SLC9A9: variants seen among roughly 807,000 people sequenced by gnomAD.
SLC9A9 encodes the protein sodium/hydrogen exchanger 9.
A neutral mutation model predicts 77.8 loss-of-function variants in SLC9A9; 62 were observed. The ratio of observed to expected loss-of-function variants is 0.80; its 90% CI spans 0.65 to 0.98. SLC9A9 has a LOEUF of 0.98. Among genes scored for constraint, SLC9A9 ranks in the 50% least tolerant of loss-of-function variants. The pLI is 0.00. For missense variants in SLC9A9, 775 were observed against 774.9 expected, an observed-to-expected ratio of 1.00 and a Z score of 0.00; for synonymous variants, 320 against 283.5, an observed-to-expected ratio of 1.13 and a Z score of -1.29.
At chr3:143,475,463 G>A (rs2035458717) in intron 11 of SLC9A9, among the ~76,000 whole-genome samples, 2 of 152,048 alleles carry the variant, frequency 1.3e-5, no homozygotes, top group Non-Finnish European at 1.5e-5. Context: ...GAATCCATAA[G>A]TGAATGGATA....
At chr3:143,742,719 A>T (rs1395720401) in intron 4 of SLC9A9, among the ~76,000 whole-genome samples, 2 of 152,206 alleles carry the variant, frequency 1.3e-5, no homozygotes, top group Non-Finnish European at 2.9e-5. Context: ...AATTAATAAT[A>T]TACCAAAATT....
At chr3:143,733,913 G>A (rs1934873203) in intron 4 of SLC9A9, among the ~76,000 whole-genome samples, 1 of 152,132 alleles carries the variant, frequency 6.6e-6, no homozygotes, top group Non-Finnish European at 1.5e-5. Flanking sequence ...AGAAAACCTT[G>A]AGACTGGGCA....
intron 8 of SLC9A9, among the ~76,000 whole-genome samples, chr3:143,560,603 A>C (rs1190511816): frequency 2.6e-5 from 4 of 151,910 alleles, no homozygotes; most frequent in African/African-American, 9.7e-5. Context: ...GAGGTTTTAA[A>C]TTTTTTTTAC....
intron 5 of SLC9A9, among the ~76,000 whole-genome samples, chr3:143,654,233 G>T (rs1423207681): frequency 6.6e-6 from 1 of 152,120 alleles, no homozygotes; most frequent in East Asian, 1.9e-4. Flanking sequence ...AAAAAATTAT[G>T]CTGTGTACAT....
chr3:143,276,886 A>G (rs1938067180), intron 14 of SLC9A9, among the ~76,000 whole-genome samples: 1 of 152,202 alleles, frequency 6.6e-6, no homozygotes, highest in Non-Finnish European at 1.5e-5. Flanking sequence ...ATAAACCCCT[A>G]GAGACCTGAG....
intron 11 of SLC9A9, among the ~76,000 whole-genome samples, chr3:143,488,167 T>TC: frequency 6.6e-6 from 1 of 151,934 alleles, no homozygotes; most frequent in East Asian, 1.9e-4. Context: ...ATGGATACCT[T>TC]CCTAGAAATA....
chr3:143,623,025 A>C (rs2038249744), intron 6 of SLC9A9, among the ~76,000 whole-genome samples: 1 of 152,220 alleles, frequency 6.6e-6, no homozygotes, highest in African/African-American at 2.4e-5. Flanking sequence ...GAAGGCCATT[A>C]CATAATGGTA....
intron 9 of SLC9A9, chr3:143,517,910 G>A (rs767012097): frequency 6.9e-5 from 105 of 1,511,502 alleles, no homozygotes; most frequent in Non-Finnish European, 7.5e-5. Context: ...CATCTCCTCC[G>A]TTATCTCCGC....
At chr3:143,479,234 C>T (rs1313737663) in intron 11 of SLC9A9, among the ~76,000 whole-genome samples, 10 of 152,054 alleles carry the variant, frequency 6.6e-5, no homozygotes, top group Non-Finnish European at 8.8e-5. Flanking sequence ...TATTTTGAGT[C>T]GCAACATTTT....
chr3:143,399,968 T>C (rs1404573), intron 12 of SLC9A9, among the ~76,000 whole-genome samples: 129,332 of 152,204 alleles, frequency 0.85, 55,214 homozygotes, highest in African/African-American at 0.92. Flanking sequence ...TATATATCTT[T>C]AAAGTACATA....
In SLC9A9 at chr3:143,743,075, G is replaced by C. The variant is rs980315927; in HGVS notation, c.534-49768C>G. 2.4e-4 allele frequency among the ~76,000 whole-genome samples: 36 copies of C among 152,028 alleles called. 1 individual carries two copies. Among genetic ancestry groups the C allele is most frequent in the African/African-American group, 4.8e-5 (2 of 41,390 alleles). On this transcript the variant is annotated intron_variant, in intron 4 of 15. Transcript: ENST00000316549. Reference sequence around the variant, plus strand: ...GAAAGTGACGAGGTGCTGAAATTTAGACACTACTCCACTTCCAGAACCCAT... The same window carrying C: ...GAAAGTGACGAGGTGCTGAAATTTACACACTACTCCACTTCCAGAACCCAT...
intron 4 of SLC9A9, among the ~76,000 whole-genome samples, chr3:143,760,922 T>A (rs549177514): frequency 6.6e-6 from 1 of 151,956 alleles, no homozygotes; most frequent in Non-Finnish European, 1.5e-5. Context: ...GGAGGCATCA[T>A]GCTACCTGAC....
intron 6 of SLC9A9, among the ~76,000 whole-genome samples, chr3:143,610,147 T>C (rs2037998533): frequency 6.6e-6 from 1 of 152,076 alleles, no homozygotes; most frequent in Non-Finnish European, 1.5e-5. Context: ...TTCCTTTATT[T>C]ATTTTTTTTT....
intron 9 of SLC9A9, among the ~76,000 whole-genome samples, chr3:143,544,207 T>C (rs191768347): frequency 3.9e-5 from 6 of 152,148 alleles, no homozygotes; most frequent in Non-Finnish European, 5.9e-5. Flanking sequence ...TGGTCCTTTG[T>C]CCAATTTTCT....
chr3:143,518,617 G>T (rs1475797202), intron 9 of SLC9A9, among the ~76,000 whole-genome samples: 2 of 152,016 alleles, frequency 1.3e-5, no homozygotes, highest in Non-Finnish European at 2.9e-5. Flanking sequence ...GTATTATTTG[G>T]TTTTTTGTTT....
In SLC9A9 at chr3:143,664,194, G is replaced by T. The variant is rs577095515; in HGVS notation, c.650-11834C>A. ...CAATATTCAACATTCTTAAAGAAAAGAATTTTCAACCCAGAATCTCATATC... is the reference window on the plus strand; with the variant it reads ...CAATATTCAACATTCTTAAAGAAAATAATTTTCAACCCAGAATCTCATATC... On this transcript the variant is annotated intron_variant, in intron 5 of 15. Coordinates refer to ENST00000316549, the MANE Select transcript of SLC9A9 (RefSeq NM_173653.4). Among the ~76,000 whole-genome samples the T allele has an allele frequency of 3.3e-5, 5 of 152,280 alleles. No homozygotes were observed. In the South Asian group the frequency reaches 6.2e-4, roughly 19 times the overall value.
intron 12 of SLC9A9, among the ~76,000 whole-genome samples, chr3:143,402,198 T>TA (rs74887848): frequency 2.0e-5 from 3 of 151,942 alleles, no homozygotes. Context: ...ACAGTTTTTT[T>TA]AAAAAAATTT....
chr3:143,326,158 C>T (rs1159438871), intron 14 of SLC9A9, among the ~76,000 whole-genome samples: 1 of 152,138 alleles, frequency 6.6e-6, no homozygotes, highest in Non-Finnish European at 1.5e-5. Flanking sequence ...TTCAGACCCA[C>T]ACTAGATCTC....
intron 12 of SLC9A9, among the ~76,000 whole-genome samples, chr3:143,450,710 A>T (rs571820423): frequency 3.5e-4 from 54 of 152,332 alleles, no homozygotes; most frequent in African/African-American, 1.3e-3. Context: ...GAATAGACCC[A>T]TGGTGACAGT....
Sources: gnomAD v4.1 joint callset for allele counts (sites outside exome capture counted in the v4.1 genomes callset) on GRCh38, gnomAD v4.1.1 for gene constraint, MANE v1.5 for transcripts, NCBI Gene and HGNC (gene_info 2026-07-23, HGNC 2026-07-21) for gene names.